The following RBFOX1 variants were observed in gnomAD, a reference collection of about 807,000 sequenced individuals.
RBFOX1 encodes the protein RNA binding protein fox-1 homolog 1.
Under a neutral mutation model 57.7 loss-of-function variants are expected in RBFOX1, and 8 were observed. The ratio of observed to expected loss-of-function variants is 0.14; its 90% CI spans 0.08 to 0.25. The LOEUF is 0.25. Among genes scored for constraint, RBFOX1 ranks in the 10% least tolerant of loss-of-function variants. The pLI is 1.00. For missense variants in RBFOX1, 611 were observed against 548.5 expected, an observed-to-expected ratio of 1.11 and a Z score of -1.14; for synonymous variants, 326 against 222.4, an observed-to-expected ratio of 1.47 and a Z score of -4.15.
chr16:6,198,556 T>G (rs1371562475), intron 1 of RBFOX1, among the ~76,000 whole-genome samples: 5 of 152,210 alleles, frequency 3.3e-5, no homozygotes, highest in Non-Finnish European at 7.3e-5. Context: ...CTGTGGGACT[T>G]AATTCATCTT....
chr16:7,591,240 G>A (rs1032816620), intron 7 of RBFOX1, among the ~76,000 whole-genome samples: 1 of 152,130 alleles, frequency 6.6e-6, no homozygotes, highest in African/African-American at 2.4e-5. Context: ...TGAGATGAGA[G>A]GGCTCATAGT....
chr16:5,988,022 C>G (rs1288552297), intron 4 of RBFOX1, among the ~76,000 whole-genome samples: 1 of 152,176 alleles, frequency 6.6e-6, no homozygotes, highest in Non-Finnish European at 1.5e-5. Flanking sequence ...CTCTAGCCCA[C>G]AGTACTTCAC....
At chr16:7,057,201 G>T (rs987814963) in intron 4 of RBFOX1, among the ~76,000 whole-genome samples, 3 of 152,088 alleles carry the variant, frequency 2.0e-5, no homozygotes, top group African/African-American at 7.2e-5. Context: ...AACATAAAGG[G>T]CAGGCTCTGT....
chr16:6,203,068 G>A (rs1452050438), intron 1 of RBFOX1, among the ~76,000 whole-genome samples: 3 of 151,836 alleles, frequency 2.0e-5, no homozygotes, highest in Admixed American at 2.0e-4. Context: ...GAGCCACCGT[G>A]CCCAGCTTAA....
chr16:7,139,421 G>C (rs966269669), intron 4 of RBFOX1, among the ~76,000 whole-genome samples: 3 of 152,160 alleles, frequency 2.0e-5, no homozygotes, highest in African/African-American at 7.2e-5. Flanking sequence ...CTTGAGTTCA[G>C]AGACAAAGAG....
Position 6,486,808 on chromosome 16 carries a change from G to T in RBFOX1, c.-63-167795G>T, listed in dbSNP as rs185544533. Among the ~76,000 whole-genome samples, 588 of 152,132 alleles carry T rather than the reference G, an allele frequency of 3.9e-3. 6 individuals carry two copies. In the Middle Eastern group the frequency reaches 0.041, roughly 11 times the overall value. On this transcript the variant is annotated intron_variant, in intron 2 of 15. Coordinates refer to ENST00000550418, the MANE Select transcript of RBFOX1 (RefSeq NM_018723.4). ...TTTTCATGCAGGGTTGTGTGTTTGT[G>T]TGTATTATGAGCAGTAGTCAACAGG...
chr16:5,471,007 A>AT (rs2069116510), intron 2 of RBFOX1, among the ~76,000 whole-genome samples: 1 of 152,134 alleles, frequency 6.6e-6, no homozygotes, highest in Non-Finnish European at 1.5e-5. Flanking sequence ...GCCTGCCACC[A>AT]CGCCTGGCTA....
intron 2 of RBFOX1, among the ~76,000 whole-genome samples, chr16:6,388,681 A>C (rs779302166): frequency 1.7e-4 from 26 of 152,160 alleles, no homozygotes; most frequent in Non-Finnish European, 1.5e-4. Context: ...TTGAGGCTGC[A>C]GGGAGCTATG....
chr16:7,508,977 A>G (rs2152001925), intron 4 of RBFOX1, among the ~76,000 whole-genome samples: 1 of 152,346 alleles, frequency 6.6e-6, no homozygotes, highest in South Asian at 2.1e-4. Flanking sequence ...ATAATAACTG[A>G]AATTATTTTG....
chr16:5,758,435 G>T lies in RBFOX1; in HGVS notation c.319-108868G>T, dbSNP rs1056622117. On this transcript the variant is annotated intron_variant, in intron 3 of 19. Transcript: ENST00000641259. ...ATCTCTTAGACTGGGGGAGAAAGAA[G>T]AGAGGTTGGCCTCAGCAATTAACCC... Among the ~76,000 whole-genome samples the T allele has an allele frequency of 2.0e-5, 3 of 152,298 alleles. No homozygotes were observed. In the South Asian group the frequency reaches 6.2e-4, roughly 32 times the overall value.
At position 6,656,326 on chromosome 16, in the gene RBFOX1, A is replaced by C. The variant is rs141924116; in HGVS notation, c.-16+1676A>C. ...TATCTTTTTTAAAAATTTAATTGCCAATAGTGCTTGAAAGATAACATAGGA... is the reference window on the plus strand; with the variant it reads ...TATCTTTTTTAAAAATTTAATTGCCCATAGTGCTTGAAAGATAACATAGGA... On this transcript the variant is annotated intron_variant, in intron 3 of 15. Coordinates refer to ENST00000550418, the MANE Select transcript of RBFOX1 (RefSeq NM_018723.4). 3.3e-3 allele frequency among the ~76,000 whole-genome samples: 502 copies of C among 152,318 alleles called. 5 individuals carry two copies. Among genetic ancestry groups the C allele is most frequent in the African/African-American group, 0.012 (479 of 41,568 alleles).
rs549015987 is a variant in RBFOX1 at position 5,470,331 on chromosome 16, G to A, written c.258+3077G>A. Among the ~76,000 whole-genome samples, 103 of 152,324 alleles carry A rather than the reference G, an allele frequency of 6.8e-4. 2 individuals carry two copies. The highest frequency in any genetic ancestry group is 1.2e-3 in the Non-Finnish European group (81 of 68,030). On this transcript the variant is annotated intron_variant, in intron 2 of 2. Coordinates refer to the RBFOX1 transcript ENST00000585867. ...CTCTTCTCACCTAGAGGGACCAAAT[G>A]TGTCTATTCCTGGTCCCTGGTATAC...
intron 3 of RBFOX1, among the ~76,000 whole-genome samples, chr16:6,717,520 CCA>C (rs2065065069): frequency 6.6e-6 from 1 of 151,686 alleles, no homozygotes; most frequent in Non-Finnish European, 1.5e-5. Context: ...GATTTAACAA[CCA>C]AAAATTGTGC....
chr16:5,805,203 CTG>C (rs2055187160), intron 3 of RBFOX1, among the ~76,000 whole-genome samples: 1 of 152,048 alleles, frequency 6.6e-6, no homozygotes, highest in Non-Finnish European at 1.5e-5. Flanking sequence ...AAATGAAACA[CTG>C]TGTTCAGCCC....
At chr16:5,723,920 T>A (rs1194863538) in intron 3 of RBFOX1, among the ~76,000 whole-genome samples, 1 of 152,240 alleles carries the variant, frequency 6.6e-6, no homozygotes. Context: ...GTCAAGAAGA[T>A]GTTTCACATT....
At chr16:5,856,598 T>C (rs1485785232) in intron 3 of RBFOX1, among the ~76,000 whole-genome samples, 1 of 103,382 alleles carries the variant, frequency 9.7e-6, no homozygotes, top group Non-Finnish European at 2.0e-5. Flanking sequence ...TATATATATA[T>C]ATATATAATC....
intron 3 of RBFOX1, among the ~76,000 whole-genome samples, chr16:7,033,383 G>C (rs2043319541): frequency 6.6e-6 from 1 of 152,166 alleles, no homozygotes; most frequent in South Asian, 2.1e-4. Flanking sequence ...AGCCAGATGT[G>C]ATGGCACATG....
In RBFOX1 at chr16:6,625,157, T is replaced by TAAAA. The variant is rs34634402; in HGVS notation, c.-63-29421_-63-29418dup. Among the ~76,000 whole-genome samples, 29 of 56,332 alleles carry TAAAA rather than the reference T, an allele frequency of 5.1e-4. 1 individual carries two copies. Among genetic ancestry groups the TAAAA allele is most frequent in the East Asian group, 2.1e-3 (3 of 1,400 alleles). The allele number at this position is 56,332 out of a possible 152,430, so 37.0% of individuals were successfully genotyped here. On this transcript the variant is annotated intron_variant, in intron 2 of 15. Coordinates refer to ENST00000550418, the MANE Select transcript of RBFOX1 (RefSeq NM_018723.4). ...TCCATCCTCGGCCACCAACCCTATC[T>TAAAA]AAAAAAAAAAAAAAAAAAAAAAAAA...
chr16:5,648,019 C>T lies in RBFOX1; in HGVS notation c.318+49058C>T, dbSNP rs530636177. ...GGAGTATAGGCATGCAGCACTGTCC[C>T]TGATTAATTTTTGTATTTTTGGTAG... On this transcript the variant is annotated intron_variant, in intron 3 of 19. Coordinates refer to the RBFOX1 transcript ENST00000641259. Among the ~76,000 whole-genome samples the T allele has an allele frequency of 1.3e-4, 20 of 152,218 alleles. No individual in the cohort carries two copies. In the South Asian group the frequency reaches 3.7e-3, roughly 28 times the overall value.
Sources: gnomAD v4.1 joint callset for allele counts (sites outside exome capture counted in the v4.1 genomes callset) on GRCh38, gnomAD v4.1.1 for gene constraint, MANE v1.5 for transcripts, NCBI Gene and HGNC (gene_info 2026-07-23, HGNC 2026-07-21) for gene names.